Variants in MMP26 observed in about 807,000 individuals in gnomAD.
MMP26 encodes the protein matrix metalloproteinase-26.
In MMP26, 33 loss-of-function variants were observed where a neutral mutation model predicts 31.0. The ratio of observed to expected loss-of-function variants is 1.06; its 90% CI spans 0.81 to 1.42. MMP26 has a LOEUF of 1.42. MMP26 is among the 40% of genes most tolerant of loss of function. MMP26 has a pLI of 0.00. For missense variants in MMP26, 347 were observed against 316.1 expected (o/e 1.10, Z -0.74); for synonymous variants, 122 against 114.9 (o/e 1.06, Z -0.40).
intron 1 of MMP26, among the ~76,000 whole-genome samples, chr11:4,728,605 T>G (rs1226007695): frequency 6.6e-6 from 1 of 152,204 alleles, no homozygotes; most frequent in African/African-American, 2.4e-5. Flanking sequence ...GATACTTTAA[T>G]TAGTTTTCTG....
At chr11:4,870,607 C>A (rs1257230295) in intron 2 of MMP26, among the ~76,000 whole-genome samples, 1 of 151,878 alleles carries the variant, frequency 6.6e-6, no homozygotes, top group Non-Finnish European at 1.5e-5. Context: ...CTGAATAGTA[C>A]CGTGGTGATG....
chr11:4,910,198 C>T lies in MMP26; in HGVS notation c.-144-77870C>T, dbSNP rs938551298. ...GTCTAGAGGTAACCCATAATTCTTG[C>T]CTCATAGATCCCCTCTTTCATCTTC... is the stretch of plus-strand genomic sequence containing the variant. On this transcript the variant is annotated intron_variant, in intron 2 of 7. Coordinates refer to ENST00000380390, the MANE Select transcript of MMP26 (RefSeq NM_021801.5). Among the ~76,000 whole-genome samples, 4 of 151,974 alleles carry T rather than the reference C, an allele frequency of 2.6e-5. No homozygotes were observed. In the South Asian group the frequency reaches 8.3e-4, roughly 31 times the overall value.
Position 4,947,115 on chromosome 11 carries a change from G to A in MMP26, c.-144-40953G>A. 4 of 1,263,782 alleles carry A rather than the reference G, an allele frequency of 3.2e-6. 1 individual carries two copies. Among genetic ancestry groups the A allele is most frequent in the Non-Finnish European group, 4.4e-6 (4 of 904,082 alleles). The allele number at this position is 1,263,782 out of a possible 1,614,324, so 78.3% of individuals were successfully genotyped here. ...ATAATGGACATGATTCATTCATAGG[G>A]CTCTGCTATGAAAAATACAGATGCT... On this transcript the variant is annotated intron_variant, in intron 2 of 7. Coordinates refer to ENST00000380390, the MANE Select transcript of MMP26 (RefSeq NM_021801.5).
intron 1 of MMP26, among the ~76,000 whole-genome samples, chr11:4,764,703 C>G (rs898135647): frequency 1.5e-4 from 23 of 152,244 alleles, no homozygotes; most frequent in African/African-American, 4.6e-4. Context: ...GAAACCCCGT[C>G]TCTACTAAAA....
At chr11:4,812,100 G>T (rs377149609) in intron 2 of MMP26, among the ~76,000 whole-genome samples, 1 of 152,154 alleles carries the variant, frequency 6.6e-6, no homozygotes. Context: ...CAATTGCAGG[G>T]TTACAAAGGC....
chr11:4,706,748 C>A (rs575451295), intron 1 of MMP26, among the ~76,000 whole-genome samples: 2 of 152,052 alleles, frequency 1.3e-5, no homozygotes, highest in African/African-American at 4.8e-5. Context: ...AACTTTATAC[C>A]TGTTTAACAG....
At chr11:4,746,831 T>TCACACACACACA (rs3223670) in intron 1 of MMP26, among the ~76,000 whole-genome samples, 11 of 137,218 alleles carry the variant, frequency 8.0e-5, no homozygotes, top group South Asian at 5.1e-4. Flanking sequence ...TAAGTCTCTG[T>TCACACACACACA]CACACACACA....
At chr11:4,963,684 A>T (rs1387093141) in intron 2 of MMP26, among the ~76,000 whole-genome samples, 1 of 152,230 alleles carries the variant, frequency 6.6e-6, no homozygotes, top group Non-Finnish European at 1.5e-5. Context: ...AATTTGAAAG[A>T]TTGATACACT....
chr11:4,710,360 C>A (rs763923128), intron 1 of MMP26: 33 of 456,772 alleles, frequency 7.2e-5, no homozygotes, highest in Non-Finnish European at 1.3e-4. Flanking sequence ...CACCAGTGCA[C>A]AGATTTGGAA....
chr11:4,922,306 C>T (rs148305766), intron 2 of MMP26, among the ~76,000 whole-genome samples: 70 of 152,222 alleles, frequency 4.6e-4, no homozygotes, highest in African/African-American at 1.7e-3. Context: ...GACAAGGTAA[C>T]TAGAAAGAGA....
intron 1 of MMP26, among the ~76,000 whole-genome samples, chr11:4,749,447 A>T (rs1296491235): frequency 6.6e-6 from 1 of 151,762 alleles, no homozygotes; most frequent in Non-Finnish European, 1.5e-5. Context: ...AAATTCTTAT[A>T]AAAAAGGAGC....
At chr11:4,788,585 ATTT>A (rs926909590) in intron 2 of MMP26, among the ~76,000 whole-genome samples, 12 of 151,714 alleles carry the variant, frequency 7.9e-5, no homozygotes, top group African/African-American at 2.4e-4. Context: ...AGAAGCATTA[ATTT>A]TTTTTTAACA....
intron 2 of MMP26, chr11:4,955,324 A>G (rs2595986): frequency 0.44 from 419,296 of 947,994 alleles, 179,380 homozygotes; most frequent in East Asian, 0.84. Flanking sequence ...ATCTCAGAGG[A>G]TTGTGGATGG....
At chr11:4,795,967 G>C (rs1353676310) in intron 2 of MMP26, among the ~76,000 whole-genome samples, 1 of 152,116 alleles carries the variant, frequency 6.6e-6, no homozygotes, top group African/African-American at 2.4e-5. Context: ...ACTGGGGCCA[G>C]TTCTATGCGT....
At position 4,992,043 on chromosome 11, in the gene MMP26, A is replaced by G. The variant is rs1450997720; in HGVS notation, c.675A>G (p.Ile225Met). Residue 225 changes from isoleucine to methionine, a missense_variant, in exon 7 of 8, where the codon ATA (isoleucine) becomes ATG (methionine). Transcript: ENST00000380390. ...GLQHSGNQSSIMYPTYWYHDP... is the reference protein window; with the variant it reads ...GLQHSGNQSSMMYPTYWYHDP... ...AGCACTCTGGGAATCAGAGCTCCAT[A>G]ATGTACCCCACTTACTGGTATCACG... The G allele has an allele frequency of 6.2e-7, 1 of 1,613,954 alleles. No individual in the cohort carries two copies. The highest frequency in any genetic ancestry group is 1.7e-5 in the Admixed American group (1 of 59,996).
At chr11:4,858,827 C>G (rs1850098514) in intron 2 of MMP26, among the ~76,000 whole-genome samples, 1 of 152,128 alleles carries the variant, frequency 6.6e-6, no homozygotes, top group South Asian at 2.1e-4. Context: ...AGCTATACTA[C>G]AAGGCTACAG....
At chr11:4,867,391 T>TTG (rs1850250673) in intron 2 of MMP26, among the ~76,000 whole-genome samples, 1 of 116,168 alleles carries the variant, frequency 8.6e-6, no homozygotes, top group African/African-American at 2.8e-5. Context: ...GCTGTCCTTT[T>TTG]TTTTTTTTTT....
intron 2 of MMP26, among the ~76,000 whole-genome samples, chr11:4,852,830 G>T (rs528064934): frequency 6.6e-6 from 1 of 152,070 alleles, no homozygotes; most frequent in African/African-American, 2.4e-5. Context: ...ATTGATGTAC[G>T]AAGAGGTTAA....
chr11:4,989,895 A>G (rs1846971009), intron 4 of MMP26, 27 bp downstream of exon 4: 5 of 1,575,312 alleles, frequency 3.2e-6, no homozygotes, highest in Non-Finnish European at 3.5e-6. Flanking sequence ...CCTAGAGGAT[A>G]ATGTGTGGGG....
Sources: gnomAD v4.1 joint callset for allele counts (sites outside exome capture counted in the v4.1 genomes callset) on GRCh38, gnomAD v4.1.1 for gene constraint, MANE v1.5 for transcripts, NCBI Gene and HGNC (gene_info 2026-07-23, HGNC 2026-07-21) for gene names.